Variants in IFIT1 observed in about 807,000 individuals in gnomAD.
IFIT1 encodes interferon induced protein with tetratricopeptide repeats 1, also known as antiviral innate immune response effector IFIT1.
IFIT1 carries 1 observed loss-of-function variant against 2.5 expected under a neutral mutation model. The ratio of observed to expected loss-of-function variants is 0.40; its 90% CI spans 0.14 to 1.92. The LOEUF (loss-of-function observed/expected upper bound fraction) is 1.92. Ranked by LOEUF, IFIT1 falls within the 40% of genes most tolerant of loss-of-function variation. The probability of loss-of-function intolerance (pLI) is 0.31; values close to 1 mark genes in which losing one functional copy is unlikely to be tolerated. For synonymous variants in IFIT1, 191 were observed against 201.7 expected, an observed-to-expected ratio of 0.95 and a Z score of 0.45; for missense variants, 508 against 557.8, an observed-to-expected ratio of 0.91 and a Z score of 0.90.
chr10:89,394,579 T>A (rs1324585131), intron 1 of IFIT1, among the ~76,000 whole-genome samples: 117 of 17,258 alleles, frequency 6.8e-3, no homozygotes, highest in African/African-American at 0.024. Flanking sequence ...TACAGGAAAA[T>A]ATATATATAT....
In IFIT1 at chr10:89,392,640, A is replaced by G; in HGVS notation, c.-73A>G. The G allele has an allele frequency of 6.4e-7, 1 of 1,557,036 alleles. No homozygotes were observed. Among genetic ancestry groups the G allele is most frequent in the Non-Finnish European group, 8.9e-7 (1 of 1,128,430 alleles). On this transcript the variant is annotated 5_prime_UTR_variant, in exon 1 of 2. Transcript: ENST00000371804. Reference sequence around the variant, plus strand: ...TTAAACGTAACTGAAAATCCACAAGACAGAATAGCCAGATCTCAGAGGAGC... The same window carrying G: ...TTAAACGTAACTGAAAATCCACAAGGCAGAATAGCCAGATCTCAGAGGAGC...
In IFIT1 at chr10:89,392,969, G is replaced by A. The variant is rs1010833268; in HGVS notation, c.5+252G>A. ...CCTCATGCTATAGCCCAAAGAAGGG[G>A]AGGGAAATGGGAAAAGAGTTTTGCA... On this transcript the variant is annotated intron_variant, in intron 1 of 1. Transcript: ENST00000371804. The A allele has an allele frequency of 3.9e-5, 26 of 668,802 alleles. No individual in the cohort carries two copies. The African/African-American group carries it at 4.0e-4, about 10-fold the overall frequency. 41.4% of individuals were successfully genotyped at this position (668,802 alleles called of 1,614,324 possible). A position where few individuals can be genotyped will look rare whatever the true frequency, so the allele number is the denominator to read the frequency against.
chr10:89,396,100 T>C (rs897745560), intron 1 of IFIT1, among the ~76,000 whole-genome samples: 9 of 152,206 alleles, frequency 5.9e-5, no homozygotes, highest in African/African-American at 2.2e-4. Flanking sequence ...TATATCCAGA[T>C]GTGGAACATC....
chr10:89,403,276 A>G lies in IFIT1; in HGVS notation c.1001A>G (p.Glu334Gly), dbSNP rs74435957. The change falls in exon 2 of 2, where the codon GAA becomes GGA. Residue 334 changes from glutamate (E) to glycine (G), a missense_variant. Physicochemically the swap from Glu to Gly is moderately conservative, Grantham distance 98 (BLOSUM62 -2). Coordinates refer to ENST00000371804, the MANE Select transcript of IFIT1 (RefSeq NM_001548.5). ...SAIFHFESAVEKKPTFEVAHL... is the reference protein window; with the variant it reads ...SAIFHFESAVGKKPTFEVAHL... The stretch of plus-strand genomic sequence containing the variant: ...ATATTTCATTTTGAATCTGCAGTGG[A>G]AAAAAAGCCCACATTTGAGGTGGCT... 6.2e-7 allele frequency: 1 copy of G among 1,614,056 alleles called. No homozygotes were observed. Among genetic ancestry groups the G allele is most frequent in the African/African-American group, 1.3e-5 (1 of 75,050 alleles).
intron 1 of IFIT1, among the ~76,000 whole-genome samples, chr10:89,394,612 ATATATATATATATAT>A (rs1472920437): frequency 2.9e-4 from 8 of 27,610 alleles, no homozygotes; most frequent in Admixed American, 2.2e-3. Context: ...ATATATATAT[ATATATATATATATAT>A]AAAACTTGAA....
At chr10:89,401,778 TA>T (rs914535888) in intron 1 of IFIT1, among the ~76,000 whole-genome samples, 64 of 91,370 alleles carry the variant, frequency 7.0e-4, no homozygotes, top group African/African-American at 1.8e-3. Context: ...TATTTCCAAG[TA>T]AAAAAAAAAT....
chr10:89,395,189 A>G (rs1378496050), intron 1 of IFIT1, among the ~76,000 whole-genome samples: 1 of 80,016 alleles, frequency 1.2e-5, no homozygotes, highest in South Asian at 5.3e-4. Flanking sequence ...CCCCACCCCC[A>G]CCCCACATGG....
chr10:89,405,555 C>T lies in IFIT1; in HGVS notation c.*1843C>T. 1 of 152,166 alleles carries T rather than the reference C, an allele frequency of 6.6e-6. No individual in the cohort carries two copies. Among genetic ancestry groups the T allele is most frequent in the East Asian group, 1.9e-4 (1 of 5,202 alleles). 9.4% of individuals were successfully genotyped at this position (152,166 alleles called of 1,614,324 possible). A position where few individuals can be genotyped will look rare whatever the true frequency, so the allele number is the denominator to read the frequency against. ...GAGGTCAGAAGTCTGAAATGGGTTT[C>T]AATGAGCCAAAGTCAAGGTATTGAT... is the stretch of plus-strand genomic sequence containing the variant. On this transcript the variant is annotated 3_prime_UTR_variant, in exon 2 of 2. Coordinates refer to ENST00000371804, the MANE Select transcript of IFIT1 (RefSeq NM_001548.5).
chr10:89,393,457 G>A, intron 1 of IFIT1: 4 of 464,002 alleles, frequency 8.6e-6, no homozygotes, highest in Non-Finnish European at 1.4e-5. Context: ...CTTAGGCCGG[G>A]CAAGGGGGCT....
intron 1 of IFIT1, chr10:89,393,454 C>A: frequency 2.1e-6 from 1 of 477,852 alleles, no homozygotes; most frequent in Non-Finnish European, 3.3e-6. Flanking sequence ...TTACTTAGGC[C>A]GGGCAAGGGG....
At chr10:89,398,541 G>A (rs970867882) in intron 1 of IFIT1, among the ~76,000 whole-genome samples, 2 of 152,160 alleles carry the variant, frequency 1.3e-5, no homozygotes, top group African/African-American at 2.4e-5. Flanking sequence ...GACAGACCCG[G>A]CACCCTAGTC....
Position 89,403,932 on chromosome 10 carries a change from G to A in IFIT1, c.*220G>A. 2.5e-6 allele frequency: 1 copy of A among 408,152 alleles called. No homozygotes were observed. Among genetic ancestry groups the A allele is most frequent in the Non-Finnish European group, 4.3e-6 (1 of 232,294 alleles). 25.3% of individuals were successfully genotyped at this position (408,152 alleles called of 1,614,324 possible). A position where few individuals can be genotyped will look rare whatever the true frequency, so the allele number is the denominator to read the frequency against. On this transcript the variant is annotated 3_prime_UTR_variant, in exon 2 of 2. Transcript: ENST00000371804. ...AAATCATTTGTATGAGTGCTATGTAGTAGAGAAAAAATGTTAGTTAACTTT... is the reference window on the plus strand; with the variant it reads ...AAATCATTTGTATGAGTGCTATGTAATAGAGAAAAAATGTTAGTTAACTTT...
chr10:89,395,400 C>T (rs1344831305), intron 1 of IFIT1, among the ~76,000 whole-genome samples: 1 of 152,212 alleles, frequency 6.6e-6, no homozygotes, highest in Non-Finnish European at 1.5e-5. Flanking sequence ...CTCCCCCTTT[C>T]CCATTGGCCC....
intron 1 of IFIT1, among the ~76,000 whole-genome samples, chr10:89,395,150 G>T (rs573719554): frequency 6.6e-6 from 1 of 152,106 alleles, no homozygotes; most frequent in South Asian, 2.1e-4. Flanking sequence ...GCATAGCAGG[G>T]TATGACCTAT....
rs1399654807 is a variant in IFIT1 at position 89,403,442 on chromosome 10, A to C, written c.1167A>C (p.Glu389Asp). The change falls in exon 2 of 2, where the codon GAA (glutamate) becomes GAC (aspartate). Residue 389 changes from glutamate to aspartate, a missense_variant. Transcript: ENST00000371804. Reference sequence around the variant, plus strand: ...ATTTCCACTATGGTCGGTTTCAGGAATTTCAAAAGAAATCTGACGTCAATG... The same window carrying C: ...ATTTCCACTATGGTCGGTTTCAGGACTTTCAAAAGAAATCTGACGTCAATG... ...DIHFHYGRFQEFQKKSDVNAI... is the reference protein window; with the variant it reads ...DIHFHYGRFQDFQKKSDVNAI... 9 of 1,613,810 alleles carry C rather than the reference A, an allele frequency of 5.6e-6. No individual in the cohort carries two copies. The highest frequency in any genetic ancestry group is 1.3e-5 in the African/African-American group (1 of 74,932).
chr10:89,402,726 A>G lies in IFIT1; in HGVS notation c.451A>G (p.Lys151Glu). ...CTGTGAGGAAGGATGGGCCTTGCTGAAGTGTGGAGGAAAAAATTATGAACG... is the reference window on the plus strand; with the variant it reads ...CTGTGAGGAAGGATGGGCCTTGCTGGAGTGTGGAGGAAAAAATTATGAACG... ...IDCEEGWALL[K>E]CGGKNYERAK... Residue 151 changes from lysine (K) to glutamate (E), a missense_variant, in exon 2 of 2, where the codon AAG becomes GAG. Coordinates refer to ENST00000371804, the MANE Select transcript of IFIT1 (RefSeq NM_001548.5). The G allele has an allele frequency of 6.2e-7, 1 of 1,614,220 alleles. No individual in the cohort carries two copies. Among genetic ancestry groups the G allele is most frequent in the Non-Finnish European group, 8.5e-7 (1 of 1,180,032 alleles).
intron 1 of IFIT1, chr10:89,393,151 G>A (rs1350760272): frequency 5.4e-6 from 7 of 1,291,430 alleles, no homozygotes; most frequent in African/African-American, 1.5e-5. Context: ...GAATGTGAAA[G>A]CCTCAGTCTT....
chr10:89,396,945 G>A (rs1589635101), intron 1 of IFIT1, among the ~76,000 whole-genome samples: 1 of 152,092 alleles, frequency 6.6e-6, no homozygotes, highest in African/African-American at 2.4e-5. Context: ...TTGTTGATGA[G>A]CTGTAAATAT....
rs35988627 is a variant in IFIT1, at chr10:89,394,524, T to C, written c.5+1807T>C. 8.9e-3 allele frequency among the ~76,000 whole-genome samples: 1,337 copies of C among 149,642 alleles called. 18 individuals are homozygous for C. Among genetic ancestry groups the C allele is most frequent in the Non-Finnish European group, 0.014 (959 of 67,524 alleles). Reference sequence around the variant, plus strand: ...GTGATTATTTCAGATGGCAAACTCATTTGCTTTTATGTTTTCCTGCTTTTA... The same window carrying C: ...GTGATTATTTCAGATGGCAAACTCACTTGCTTTTATGTTTTCCTGCTTTTA... On this transcript the variant is annotated intron_variant, in intron 1 of 1. Coordinates refer to ENST00000371804, the MANE Select transcript of IFIT1 (RefSeq NM_001548.5).
Sources: allele counts gnomAD v4.1 joint callset (sites outside exome capture counted in the v4.1 genomes callset), GRCh38; gene constraint gnomAD v4.1.1; transcripts MANE v1.5; gene names NCBI Gene and HGNC (gene_info 2026-07-23, HGNC 2026-07-21).